The following CFAP44 variants were observed in gnomAD, a reference collection of about 807,000 sequenced individuals.
CFAP44 encodes the protein cilia and flagella associated protein 44, also known as cilia- and flagella-associated protein 44.
A neutral mutation model predicts 216.2 loss-of-function variants in CFAP44; 134 were observed. The ratio of observed to expected loss-of-function variants is 0.62; its 90% CI spans 0.54 to 0.72. CFAP44 has a LOEUF of 0.72. Among genes scored for constraint, CFAP44 ranks in the 30% least tolerant of loss-of-function variants. The probability of loss-of-function intolerance (pLI) is 0.00; values close to 1 mark genes in which losing one functional copy is unlikely to be tolerated. For missense variants in CFAP44, 2,035 were observed against 2,182.1 expected, an observed-to-expected ratio of 0.93 and a Z score of 1.34; for synonymous variants, 700 against 727.6, an observed-to-expected ratio of 0.96 and a Z score of 0.61.
chr3:113,346,665 A>C (rs1218670073), intron 22 of CFAP44, among the ~76,000 whole-genome samples: 17 of 152,252 alleles, frequency 1.1e-4, no homozygotes, highest in Non-Finnish European at 1.5e-5. Flanking sequence ...AAGGATTGTA[A>C]GTGCACCAAT....
intron 2 of CFAP44, 70 bp downstream of exon 2, chr3:113,433,495 T>C (rs551137849): frequency 6.0e-5 from 33 of 550,104 alleles, no homozygotes; most frequent in Non-Finnish European, 9.8e-5. Flanking sequence ...CATTCTACTA[T>C]AAAAATTAAT....
chr3:113,350,895 A>G (rs1950438332), intron 22 of CFAP44, among the ~76,000 whole-genome samples: 1 of 152,238 alleles, frequency 6.6e-6, no homozygotes. Context: ...CAGCAGATTT[A>G]CTAACAGGGG....
rs1321971894 is a variant in CFAP44 at position 113,330,169 on chromosome 3, C to A, written c.4115G>T (p.Arg1372Met). The stretch of plus-strand genomic sequence containing the variant: ...ACTAGGAACAGGTTCACCCCTTACC[C>A]TGTTGACCAAATACTGTTGCATGTA... ...HVYMQQYLVN[R>M]IKELVVTFDA... Residue 1372 changes from arginine (R) to methionine (M), a missense_variant and splice_region_variant, in exon 26 of 35, where the codon AGG (arginine) becomes ATG (methionine). By Grantham distance (91) the Arg-to-Met change is moderately conservative. This residue lies in a region of CFAP44 where 1,883 missense variants were observed against 2,023.7 expected (regional missense o/e 0.93). Coordinates refer to ENST00000393845, the MANE Select transcript of CFAP44 (RefSeq NM_001164496.2). 6.5e-7 allele frequency: 1 copy of A among 1,528,876 alleles called. No individual in the cohort carries two copies. Among genetic ancestry groups the A allele is most frequent in the African/African-American group, 1.4e-5 (1 of 73,010 alleles). 94.7% of individuals were successfully genotyped at this position (1,528,876 alleles called of 1,614,324 possible). A position where few individuals can be genotyped will look rare whatever the true frequency, so the allele number is the denominator to read the frequency against.
At position 113,327,826 on chromosome 3, in the gene CFAP44, T is replaced by C; in HGVS notation, c.4117-7A>G. ...TGACAACCAGTTCTTTGATCTGAGA[T>C]GGAAAAAATATTTGCGGATACGTTA... On this transcript the variant is annotated splice_polypyrimidine_tract_variant and splice_region_variant and intron_variant, in intron 26 of 34. Transcript: ENST00000393845. The C allele has an allele frequency of 6.5e-7, 1 of 1,535,854 alleles. No homozygotes were observed. Among genetic ancestry groups the C allele is most frequent in the Non-Finnish European group, 8.7e-7 (1 of 1,146,306 alleles).
At chr3:113,303,511 T>C (rs1949957743) in intron 32 of CFAP44, among the ~76,000 whole-genome samples, 1 of 152,148 alleles carries the variant, frequency 6.6e-6, no homozygotes, top group Non-Finnish European at 1.5e-5. Context: ...CTCCATATTG[T>C]GTGTGGACAC....
At chr3:113,329,338 G>A (rs1427993475) in intron 26 of CFAP44, among the ~76,000 whole-genome samples, 1 of 152,180 alleles carries the variant, frequency 6.6e-6, no homozygotes, top group Non-Finnish European at 1.5e-5. Context: ...GTCATTACTG[G>A]TGGAAGGAAG....
chr3:113,390,368 T>C (rs1271985055), intron 15 of CFAP44, among the ~76,000 whole-genome samples: 2 of 152,102 alleles, frequency 1.3e-5, no homozygotes, highest in Non-Finnish European at 2.9e-5. Flanking sequence ...AACCCATATA[T>C]GACAGACCTA....
Position 113,291,433 on chromosome 3 carries a change from G to C in CFAP44, c.*124C>G. On this transcript the variant is annotated 3_prime_UTR_variant, in exon 35 of 35. Coordinates refer to ENST00000393845, the MANE Select transcript of CFAP44 (RefSeq NM_001164496.2). ...TTCTTAAAGTGACTTAACGTGACTG[G>C]ATCTGGTTTTACACTTTCAGGCGAG... The C allele has an allele frequency of 8.8e-7, 1 of 1,134,164 alleles. No individual in the cohort carries two copies. The highest frequency in any genetic ancestry group is 1.2e-6 in the Non-Finnish European group (1 of 816,078). The allele number at this position is 1,134,164 out of a possible 1,614,324, so 70.3% of individuals were successfully genotyped here.
At chr3:113,371,060 A>T (rs1933144620) in intron 18 of CFAP44, among the ~76,000 whole-genome samples, 2 of 152,194 alleles carry the variant, frequency 1.3e-5, no homozygotes, top group African/African-American at 4.8e-5. Flanking sequence ...ACTACAAACC[A>T]CTGCTCAATG....
intron 22 of CFAP44, among the ~76,000 whole-genome samples, chr3:113,348,695 G>A (rs1183849731): frequency 6.6e-6 from 1 of 152,104 alleles, no homozygotes. Flanking sequence ...CAGGCTATTG[G>A]TTATGTCCCC....
At chr3:113,413,775 G>T (rs1934563103) in intron 6 of CFAP44, among the ~76,000 whole-genome samples, 1 of 152,206 alleles carries the variant, frequency 6.6e-6, no homozygotes, top group Non-Finnish European at 1.5e-5. Context: ...TTGTAGTATA[G>T]TTTGAAGTCA....
chr3:113,331,821 T>C (rs1464419526), intron 25 of CFAP44, among the ~76,000 whole-genome samples: 1 of 152,058 alleles, frequency 6.6e-6, no homozygotes, highest in African/African-American at 2.4e-5. Context: ...TTTAAAAATA[T>C]TTAATACTTT....
intron 22 of CFAP44, among the ~76,000 whole-genome samples, chr3:113,348,856 T>C (rs1950414612): frequency 1.3e-5 from 2 of 152,346 alleles, no homozygotes; most frequent in Admixed American, 6.5e-5. Context: ...GGACAAACCT[T>C]TGACCTCACT....
intron 21 of CFAP44, among the ~76,000 whole-genome samples, chr3:113,359,411 T>C (rs1950518382): frequency 6.6e-6 from 1 of 152,178 alleles, no homozygotes; most frequent in African/African-American, 2.4e-5. Context: ...AGAGCCAATA[T>C]TTGTGATAAA....
intron 23 of CFAP44, among the ~76,000 whole-genome samples, chr3:113,343,994 G>A (rs1950358484): frequency 6.6e-6 from 1 of 152,222 alleles, no homozygotes; most frequent in African/African-American, 2.4e-5. Flanking sequence ...TGGGCAGCCA[G>A]AAGAAACAGG....
intron 23 of CFAP44, among the ~76,000 whole-genome samples, chr3:113,343,072 T>C (rs1950349563): frequency 1.4e-5 from 2 of 146,246 alleles, no homozygotes; most frequent in Non-Finnish European, 3.0e-5. Flanking sequence ...TTTTTTTTTT[T>C]TTTTTTTGAG....
chr3:113,342,042 T>C (rs1016416764), intron 23 of CFAP44, 124 bp from the exon 24 acceptor site: 188 of 1,189,946 alleles, frequency 1.6e-4, no homozygotes, highest in South Asian at 2.4e-4. Flanking sequence ...AATCAAAGTA[T>C]TTATTGAGCA....
intron 15 of CFAP44, 76 bp downstream of exon 15, chr3:113,395,674 C>G: frequency 1.5e-6 from 2 of 1,314,354 alleles, no homozygotes; most frequent in South Asian, 2.8e-5. Context: ...ATTCCACCTG[C>G]TATTTTCTAT....
Position 113,395,740 on chromosome 3 carries a change from A to C in CFAP44, c.1890+10T>G. 1.9e-6 allele frequency: 3 copies of C among 1,580,152 alleles called. No homozygotes were observed. The highest frequency in any genetic ancestry group is 2.6e-6 in the Non-Finnish European group (3 of 1,160,292). ...AGATTCAAACAGGAAGACAAATAAT[A>C]ATGACTTACATGAGACATGGGAGAC... On this transcript the variant is annotated intron_variant, in intron 15 of 34. Transcript: ENST00000393845.
Sources: gnomAD v4.1 joint callset for allele counts (sites outside exome capture counted in the v4.1 genomes callset) on GRCh38, gnomAD v4.1.1 for gene constraint, gnomAD v4.1.1 regional missense constraint, MANE v1.5 for transcripts, NCBI Gene and HGNC (gene_info 2026-07-23, HGNC 2026-07-21) for gene names.